Variants in CYRIB observed in about 807,000 individuals in gnomAD.
The protein encoded by CYRIB is CYFIP related Rac1 interactor B, also known as CYFIP-related Rac1 interactor B.
Under a neutral mutation model 44.2 loss-of-function variants are expected in CYRIB, and 8 were observed. The observed-to-expected ratio is 0.18, with a 90% confidence interval of 0.11 to 0.33. The LOEUF is 0.33. Ranked by LOEUF, CYRIB falls within the 10% of genes least tolerant of loss-of-function variation. The probability of loss-of-function intolerance (pLI) is 1.00; values close to 1 mark genes in which losing one functional copy is unlikely to be tolerated. For synonymous variants in CYRIB, 131 were observed against 127.2 expected (o/e 1.03, Z -0.20); for missense variants, 185 against 382.8 (o/e 0.48, Z 4.31).
chr8:129,867,983 C>T (rs75202926), intron 4 of CYRIB, among the ~76,000 whole-genome samples: 2,717 of 152,296 alleles, frequency 0.018, 96 homozygotes, highest in African/African-American at 0.061. Flanking sequence ...CCAACCAAAA[C>T]TTCTTCACAG....
At chr8:129,963,996 T>C (rs573559876) in intron 2 of CYRIB, among the ~76,000 whole-genome samples, 1 of 152,328 alleles carries the variant, frequency 6.6e-6, no homozygotes, top group South Asian at 2.1e-4. Flanking sequence ...ACTTACTGAA[T>C]TTATTTCCAG....
At chr8:129,868,945 C>CCTAG (rs2055423536) in intron 4 of CYRIB, among the ~76,000 whole-genome samples, 1 of 146,398 alleles carries the variant, frequency 6.8e-6, no homozygotes, top group Admixed American at 6.8e-5. Flanking sequence ...TACCTATAAT[C>CCTAG]CTAGCACTTT....
chr8:130,011,856 TA>T (rs2097228422), intron 1 of CYRIB, among the ~76,000 whole-genome samples: 1 of 150,166 alleles, frequency 6.7e-6, no homozygotes, highest in South Asian at 2.1e-4. Flanking sequence ...AAAATAAAAA[TA>T]ATTAAAAAAA....
intron 10 of CYRIB, among the ~76,000 whole-genome samples, chr8:129,848,403 G>A (rs1311616865): frequency 1.3e-5 from 2 of 152,212 alleles, no homozygotes; most frequent in Non-Finnish European, 2.9e-5. Flanking sequence ...AGATGTGAGA[G>A]GTTGGGGAAA....
rs370021531 is a variant in CYRIB, at chr8:129,986,868, G to A, written c.-295-15873C>T. Reference sequence around the variant, plus strand: ...GCATGCCAGCCTCCAAGCCCCTTCTGGTAATGGCACTGTCTTCCTCTGGGG... The same window carrying A: ...GCATGCCAGCCTCCAAGCCCCTTCTAGTAATGGCACTGTCTTCCTCTGGGG... On this transcript the variant is annotated intron_variant, in intron 1 of 14. Coordinates refer to the CYRIB transcript ENST00000401979. Among the ~76,000 whole-genome samples, 63 of 152,268 alleles carry A rather than the reference G, an allele frequency of 4.1e-4. 2 individuals carry two copies. The South Asian group carries it at 0.013, about 31-fold the overall frequency.
Position 129,850,824 on chromosome 8 carries a change from C to T in CYRIB, c.713+11G>A, listed in dbSNP as rs905209380. 4 of 1,599,634 alleles carry T rather than the reference C, an allele frequency of 2.5e-6. No homozygotes were observed. The African/African-American group carries it at 5.4e-5, about 21-fold the overall frequency. On this transcript the variant is annotated intron_variant, in intron 9 of 11. Coordinates refer to ENST00000519824, the Ensembl canonical transcript of CYRIB. ...GCACTGTTAAAGTGAAAAAGATCAGCTGATACTCACGGTGTTTCCAGCATG... is the reference window on the plus strand; with the variant it reads ...GCACTGTTAAAGTGAAAAAGATCAGTTGATACTCACGGTGTTTCCAGCATG...
chr8:129,849,572 T>G, intron 9 of CYRIB: 1 of 443,402 alleles, frequency 2.3e-6, no homozygotes, highest in Non-Finnish European at 3.9e-6. Context: ...CTGAAAGGGA[T>G]ATAAAATTCT....
At chr8:129,970,647 A>T (rs2095657033) in intron 2 of CYRIB, 1 of 152,112 alleles carries the variant, frequency 6.6e-6, no homozygotes, top group Non-Finnish European at 1.5e-5. Flanking sequence ...TCAGCCTCCC[A>T]AAGTGTTGGG....
At chr8:129,862,804 G>A (rs1438156933) in intron 4 of CYRIB, among the ~76,000 whole-genome samples, 1 of 152,130 alleles carries the variant, frequency 6.6e-6, no homozygotes, top group Non-Finnish European at 1.5e-5. Context: ...AGTGCTAAGG[G>A]TGAGTCTTCT....
intron 1 of CYRIB, among the ~76,000 whole-genome samples, chr8:129,916,963 G>A (rs1164276493): frequency 6.6e-6 from 1 of 152,152 alleles, no homozygotes; most frequent in Non-Finnish European, 1.5e-5. Flanking sequence ...CAGCTAGTAA[G>A]CATTAGTTTC....
chr8:129,943,674 C>T (rs2093914592), upstream of CYRIB, among the ~76,000 whole-genome samples: 1 of 130,316 alleles, frequency 7.7e-6, no homozygotes, highest in African/African-American at 2.9e-5. Context: ...TCTTGGCTCA[C>T]TGCAAGCTCC....
At chr8:129,946,910 G>A (rs1171543638) in intron 2 of CYRIB, among the ~76,000 whole-genome samples, 2 of 152,016 alleles carry the variant, frequency 1.3e-5, no homozygotes, top group Admixed American at 6.6e-5. Flanking sequence ...GTCAGCCTTC[G>A]GATTCAAAGC....
intron 2 of CYRIB, among the ~76,000 whole-genome samples, chr8:129,884,128 T>C (rs188049563): frequency 6.6e-6 from 1 of 152,288 alleles, no homozygotes; most frequent in Non-Finnish European, 1.5e-5. Context: ...GTCACTTCTC[T>C]CAGTCCAGCT....
rs187444394 is a variant in CYRIB, at chr8:129,850,625, C to T, written c.713+210G>A. On this transcript the variant is annotated intron_variant, in intron 9 of 11. Transcript: ENST00000519824. The stretch of plus-strand genomic sequence containing the variant: ...CTGAGTGGTCTGAGGTACCTGAAGA[C>T]CAACTAACTCTATTTTATACTTAAC... 6.5e-5 allele frequency: 36 copies of T among 555,298 alleles called. 1 individual carries two copies. Among genetic ancestry groups the T allele is most frequent in the Middle Eastern group, 9.5e-4 (2 of 2,102 alleles). 34.4% of individuals were successfully genotyped at this position (555,298 alleles called of 1,614,324 possible). A position where few individuals can be genotyped will look rare whatever the true frequency, so the allele number is the denominator to read the frequency against.
chr8:129,987,640 G>A (rs959437547), intron 1 of CYRIB, among the ~76,000 whole-genome samples: 2 of 149,130 alleles, frequency 1.3e-5, no homozygotes, highest in African/African-American at 5.0e-5. Context: ...CACGATCCTG[G>A]CTCACTGCAA....
At chr8:129,991,908 G>A (rs770795553) in intron 1 of CYRIB, among the ~76,000 whole-genome samples, 3 of 119,084 alleles carry the variant, frequency 2.5e-5, no homozygotes, top group African/African-American at 3.4e-5. Context: ...CTGAGATTGC[G>A]CCACTGCACT....
At chr8:129,863,009 CA>C (rs1040326079) in intron 4 of CYRIB, among the ~76,000 whole-genome samples, 13 of 150,646 alleles carry the variant, frequency 8.6e-5, no homozygotes, top group African/African-American at 2.7e-4. Flanking sequence ...AGCAGATCCA[CA>C]AAAAAAAATA....
intron 3 of CYRIB, among the ~76,000 whole-genome samples, chr8:129,874,761 C>T (rs187665798): frequency 6.6e-6 from 1 of 151,988 alleles, no homozygotes; most frequent in East Asian, 1.9e-4. Context: ...AAAGATGACA[C>T]CAGAATAAAG....
Position 129,914,470 on chromosome 8 carries a change from G to C in CYRIB, c.-49-11120C>G, listed in dbSNP as rs60814482. On this transcript the variant is annotated intron_variant, in intron 1 of 11. Coordinates refer to ENST00000519824, the Ensembl canonical transcript of CYRIB. The stretch of plus-strand genomic sequence containing the variant: ...ACATATACTTCTTGATATTCACAAT[G>C]TAATGGATAAAATGTTTGAAGCTGA... Among the ~76,000 whole-genome samples, 1,007 of 152,260 alleles carry C rather than the reference G, an allele frequency of 6.6e-3. 10 individuals are homozygous for C. Among genetic ancestry groups the C allele is most frequent in the African/African-American group, 0.022 (930 of 41,548 alleles).
Sources: gnomAD v4.1 joint callset for allele counts (sites outside exome capture counted in the v4.1 genomes callset) on GRCh38, gnomAD v4.1.1 for gene constraint, MANE v1.5 for transcripts, NCBI Gene and HGNC (gene_info 2026-07-23, HGNC 2026-07-21) for gene names.